DIAPH3: variants seen among roughly 807,000 people sequenced by gnomAD.
The protein encoded by DIAPH3 is diaphanous related formin 3.
DIAPH3 carries 117 observed loss-of-function variants against 144.3 expected under a neutral mutation model. That is an observed-to-expected ratio of 0.81 (90% CI 0.70 to 0.95). DIAPH3 has a LOEUF of 0.95. Ranked by LOEUF, DIAPH3 falls within the 40% of genes least tolerant of loss-of-function variation. The pLI is 0.00. For synonymous variants in DIAPH3, 519 were observed against 488.9 expected (o/e 1.06, Z -0.81); for missense variants, 1,421 against 1,412.7 (o/e 1.01, Z -0.09).
intron 17 of DIAPH3, among the ~76,000 whole-genome samples, chr13:59,956,951 C>T (rs2049441223): frequency 6.6e-6 from 1 of 152,122 alleles, no homozygotes; most frequent in African/African-American, 2.4e-5. Context: ...CCTGTAGACC[C>T]TTTGATTTGG....
intron 18 of DIAPH3, among the ~76,000 whole-genome samples, chr13:59,920,663 A>G (rs1028201878): frequency 2.0e-5 from 3 of 151,842 alleles, no homozygotes; most frequent in Admixed American, 6.6e-5. Context: ...TCAATGCCTC[A>G]TTTTCAGCAA....
intron 1 of DIAPH3, among the ~76,000 whole-genome samples, chr13:60,159,647 G>GAA (rs1176718935): frequency 6.6e-6 from 1 of 151,196 alleles, no homozygotes; most frequent in East Asian, 1.9e-4. Context: ...AAGAAAGAAA[G>GAA]AAAGAATGTA....
intron 9 of DIAPH3, among the ~76,000 whole-genome samples, chr13:60,001,310 C>A (rs1594287891): frequency 6.6e-6 from 1 of 152,128 alleles, no homozygotes; most frequent in African/African-American, 2.4e-5. Flanking sequence ...CAGAATAGAT[C>A]CAGCTCCTGC....
intron 15 of DIAPH3, among the ~76,000 whole-genome samples, chr13:59,972,518 C>T (rs1040888940): frequency 4.6e-5 from 7 of 151,914 alleles, no homozygotes; most frequent in African/African-American, 1.5e-4. Flanking sequence ...TATAAAAGCT[C>T]GAAATCAATG....
intron 25 of DIAPH3, among the ~76,000 whole-genome samples, chr13:59,779,805 C>T (rs929353144): frequency 3.3e-5 from 5 of 152,096 alleles, no homozygotes; most frequent in East Asian, 1.9e-4. Context: ...AGAGTCACCG[C>T]GCACGGCCGA....
intron 27 of DIAPH3, among the ~76,000 whole-genome samples, chr13:59,751,392 T>C (rs1054924875): frequency 6.6e-6 from 1 of 152,226 alleles, no homozygotes; most frequent in Admixed American, 6.5e-5. Flanking sequence ...CAAATATCAT[T>C]ATGGATCCAT....
At chr13:60,018,348 TAC>T (rs2053796161) in intron 5 of DIAPH3, among the ~76,000 whole-genome samples, 1 of 152,176 alleles carries the variant, frequency 6.6e-6, no homozygotes, top group African/African-American at 2.4e-5. Flanking sequence ...AAGACTTTGT[TAC>T]ACTTAATATG....
rs1249066818 is a variant in DIAPH3, at chr13:59,810,932, AT to A, written c.3028-10del. On this transcript the variant is annotated splice_polypyrimidine_tract_variant and intron_variant, in intron 24 of 27. Coordinates refer to ENST00000400324, the MANE Select transcript of DIAPH3 (RefSeq NM_001042517.2). ...TTCTCCTTTATTGCTTGCTAAAAAA[AT>A]TTTGAAAAATGATCAATTTTAACCA... 9 of 1,599,776 alleles carry A rather than the reference AT, an allele frequency of 5.6e-6. No individual in the cohort carries two copies. The highest frequency in any genetic ancestry group is 5.4e-5 in the African/African-American group (4 of 74,240).
At chr13:59,908,025 C>T (rs2046818480) in intron 20 of DIAPH3, among the ~76,000 whole-genome samples, 1 of 152,070 alleles carries the variant, frequency 6.6e-6, no homozygotes, top group South Asian at 2.1e-4. Flanking sequence ...GTATACCATA[C>T]TCTACAGGAT....
chr13:60,009,950 T>G (rs1031889867), intron 8 of DIAPH3, among the ~76,000 whole-genome samples: 3 of 152,244 alleles, frequency 2.0e-5, no homozygotes, highest in African/African-American at 7.2e-5. Flanking sequence ...TTTAAAAATC[T>G]TTATCTTTAT....
chr13:59,904,314 T>C lies in DIAPH3; in HGVS notation c.2367+7421A>G, dbSNP rs548506630. ...AGGAAACATTTAGGGGTAATGGGTA[T>C]CTTCATTATCTTCATTGTTGTAATC... On this transcript the variant is annotated intron_variant, in intron 20 of 27. Transcript: ENST00000400324. Among the ~76,000 whole-genome samples, 4 of 152,330 alleles carry C rather than the reference T, an allele frequency of 2.6e-5. No individual in the cohort carries two copies. The South Asian group carries it at 8.3e-4, about 32-fold the overall frequency.
chr13:59,919,755 C>T (rs1440841044), intron 18 of DIAPH3, among the ~76,000 whole-genome samples: 4 of 151,710 alleles, frequency 2.6e-5, no homozygotes, highest in African/African-American at 4.8e-5. Flanking sequence ...AGTCAAATTC[C>T]GAATATTCTA....
chr13:59,692,228 T>C (rs549827270), intron 27 of DIAPH3, among the ~76,000 whole-genome samples: 1 of 148,778 alleles, frequency 6.7e-6, no homozygotes, highest in South Asian at 2.1e-4. Context: ...TGAGAATATA[T>C]CTATGAAATC....
intron 22 of DIAPH3, among the ~76,000 whole-genome samples, chr13:59,840,566 C>A (rs2042285053): frequency 6.6e-6 from 1 of 151,228 alleles, no homozygotes; most frequent in South Asian, 2.1e-4. Flanking sequence ...TTTTTTTAAC[C>A]TGGTTGTACA....
rs1451469575 is a variant in DIAPH3, at chr13:59,983,757, A to C, written c.1480+12T>G. On this transcript the variant is annotated intron_variant, in intron 13 of 27. Coordinates refer to ENST00000400324, the MANE Select transcript of DIAPH3 (RefSeq NM_001042517.2). The stretch of plus-strand genomic sequence containing the variant: ...ACAATAAGATATTTCTATTTAAATA[A>C]TAAATACTCACCTACAAACTGGGTT... The C allele has an allele frequency of 6.8e-7, 1 of 1,479,802 alleles. No homozygotes were observed. Among genetic ancestry groups the C allele is most frequent in the East Asian group, 2.3e-5 (1 of 44,114 alleles). The allele number at this position is 1,479,802 out of a possible 1,614,324, so 91.7% of individuals were successfully genotyped here. A position where few individuals can be genotyped will look rare whatever the true frequency, so the allele number is the denominator to read the frequency against.
chr13:59,916,879 T>C (rs533025047), intron 18 of DIAPH3, among the ~76,000 whole-genome samples: 3 of 152,252 alleles, frequency 2.0e-5, no homozygotes, highest in Middle Eastern at 3.4e-3. Flanking sequence ...GATAGTATAA[T>C]ATGTTATTAC....
intron 27 of DIAPH3, among the ~76,000 whole-genome samples, chr13:59,770,905 A>G (rs369307273): frequency 5.4e-4 from 83 of 152,302 alleles, no homozygotes; most frequent in African/African-American, 2.0e-3. Flanking sequence ...GATTTAGCAC[A>G]TACTTCATTT....
chr13:59,990,597 A>T (rs767011611), intron 12 of DIAPH3, among the ~76,000 whole-genome samples: 1 of 151,940 alleles, frequency 6.6e-6, no homozygotes, highest in African/African-American at 2.4e-5. Flanking sequence ...CTAACAACCC[A>T]GTGAGTTAGG....
chr13:59,917,884 T>A (rs1482915914), intron 18 of DIAPH3, among the ~76,000 whole-genome samples: 2 of 89,618 alleles, frequency 2.2e-5, no homozygotes, highest in African/African-American at 5.1e-5. Flanking sequence ...AGTAAGACTC[T>A]GTCTCAAAAA....
Sources: gnomAD v4.1 joint callset for allele counts (sites outside exome capture counted in the v4.1 genomes callset) on GRCh38, gnomAD v4.1.1 for gene constraint, MANE v1.5 for transcripts, NCBI Gene and HGNC (gene_info 2026-07-23, HGNC 2026-07-21) for gene names.